Variants in DCHS2 observed in about 807,000 individuals in gnomAD.
DCHS2 encodes the protein protocadherin-23.
A neutral mutation model predicts 182.4 loss-of-function variants in DCHS2; 142 were observed. The observed-to-expected ratio is 0.78, with a 90% CI of 0.68 to 0.89. DCHS2 has a LOEUF of 0.89. DCHS2 is among the 40% of genes least tolerant of loss of function. The pLI is 0.00. For missense variants in DCHS2, 4,319 were observed against 4,198.6 expected (o/e 1.03, Z -0.79); for synonymous variants, 1,740 against 1,663.3 (o/e 1.05, Z -1.12).
At chr4:154,243,807 T>G (rs1731949845) in intron 16 of DCHS2, among the ~76,000 whole-genome samples, 1 of 152,172 alleles carries the variant, frequency 6.6e-6, no homozygotes, top group Admixed American at 6.6e-5. Flanking sequence ...CAGGAGGACC[T>G]GATAAATTAC....
intron 14 of DCHS2, among the ~76,000 whole-genome samples, chr4:154,268,780 C>CA (rs1223784521): frequency 2.6e-5 from 4 of 152,102 alleles, no homozygotes; most frequent in Non-Finnish European, 2.9e-5. Flanking sequence ...GTTATCTAAT[C>CA]AAAAAATAAA....
rs956075751 is a variant in DCHS2 at position 154,323,145 on chromosome 4, T to C, written c.4019-657A>G. The C allele has an allele frequency of 1.2e-5, 18 of 1,489,104 alleles. 1 individual carries two copies. Among genetic ancestry groups the C allele is most frequent in the South Asian group, 1.1e-4 (8 of 75,696 alleles). 92.2% of individuals were successfully genotyped at this position (1,489,104 alleles called of 1,614,324 possible). On this transcript the variant is annotated intron_variant, in intron 7 of 19. Coordinates refer to ENST00000357232, the MANE Select transcript of DCHS2 (RefSeq NM_001358235.2). ...ATCCTGACATTTTCCATGATCTAGA[T>C]TTGCTGTTGCATCTCCAACGTGTAG...
At chr4:154,351,401 T>G (rs1349943673) in intron 3 of DCHS2, among the ~76,000 whole-genome samples, 1 of 152,172 alleles carries the variant, frequency 6.6e-6, no homozygotes, top group African/African-American at 2.4e-5. Context: ...TTAATGCAAC[T>G]GCAATAAAAA....
intron 6 of DCHS2, among the ~76,000 whole-genome samples, chr4:154,329,307 G>T (rs1308691875): frequency 2.0e-5 from 3 of 152,150 alleles, no homozygotes; most frequent in Non-Finnish European, 4.4e-5. Context: ...TTGTTATAAA[G>T]CAACTGGAGG....
At chr4:154,482,437 C>T (rs1296757061) in intron 1 of DCHS2, among the ~76,000 whole-genome samples, 1 of 152,078 alleles carries the variant, frequency 6.6e-6, no homozygotes, top group Non-Finnish European at 1.5e-5. Flanking sequence ...CAAGAGATAT[C>T]AGACATTGAA....
chr4:154,461,874 A>C (rs1402238331), intron 1 of DCHS2, among the ~76,000 whole-genome samples: 1 of 152,188 alleles, frequency 6.6e-6, no homozygotes, highest in East Asian at 1.9e-4. Flanking sequence ...CATTTGCAAG[A>C]GGAAGACTTT....
At chr4:154,396,092 T>C (rs557317216) in intron 1 of DCHS2, among the ~76,000 whole-genome samples, 1 of 152,270 alleles carries the variant, frequency 6.6e-6, no homozygotes, top group South Asian at 2.1e-4. Flanking sequence ...AGCTGAGGCT[T>C]TTCTGGGATT....
chr4:154,440,704 C>A (rs970493057), intron 1 of DCHS2, among the ~76,000 whole-genome samples: 4 of 152,054 alleles, frequency 2.6e-5, no homozygotes, highest in Non-Finnish European at 4.4e-5. Flanking sequence ...AATCATAAGC[C>A]ATTGTGTTTC....
intron 1 of DCHS2, among the ~76,000 whole-genome samples, chr4:154,463,530 G>A (rs756148302): frequency 7.2e-5 from 11 of 152,156 alleles, no homozygotes; most frequent in East Asian, 1.9e-4. Flanking sequence ...ACTCTTTAAC[G>A]AAGCCTCTTT....
chr4:154,370,375 C>A (rs1561072652), intron 2 of DCHS2, among the ~76,000 whole-genome samples: 1 of 151,908 alleles, frequency 6.6e-6, no homozygotes, highest in Non-Finnish European at 1.5e-5. Context: ...AAATGGAGAC[C>A]ACTATTTTAG....
chr4:154,354,065 T>C (rs1476020068), intron 3 of DCHS2, among the ~76,000 whole-genome samples: 3 of 152,188 alleles, frequency 2.0e-5, no homozygotes, highest in Non-Finnish European at 4.4e-5. Flanking sequence ...TAGCTGGTAC[T>C]ACAGGCATGT....
At chr4:154,276,425 T>A (rs1397028935) in intron 13 of DCHS2, among the ~76,000 whole-genome samples, 3 of 152,206 alleles carry the variant, frequency 2.0e-5, no homozygotes, top group Non-Finnish European at 4.4e-5. Context: ...ATTAATGCTA[T>A]ATGACTGTAA....
chr4:154,235,776 A>T lies in DCHS2; in HGVS notation c.8876T>A (p.Ile2959Asn), dbSNP rs745966444. 1 of 1,613,786 alleles carries T rather than the reference A, an allele frequency of 6.2e-7. No individual in the cohort carries two copies. Among genetic ancestry groups the T allele is most frequent in the Non-Finnish European group, 8.5e-7 (1 of 1,179,888 alleles). Reference protein sequence around the residue: ...NKEDTLEMKIIAHSPKSDSKF... With the variant: ...NKEDTLEMKINAHSPKSDSKF... ...GGAATCTGATTTGGGACTATGAGCG[A>T]TTATTTTCATTTCCAAGGTGTCTTC... Residue 2959 changes from isoleucine to asparagine, a missense_variant, in exon 20 of 20, where the codon ATC becomes AAC. By Grantham distance (149) the Ile-to-Asn change is moderately radical. Transcript: ENST00000357232.
chr4:154,269,788 C>A (rs1733483923), intron 14 of DCHS2, 112 bp downstream of exon 14: 6 of 1,323,964 alleles, frequency 4.5e-6, no homozygotes, highest in Non-Finnish European at 6.1e-6. Flanking sequence ...AAAATTCTTT[C>A]TTGCTTACCT....
chr4:154,234,135 G>C lies in DCHS2; in HGVS notation c.*401C>G, dbSNP rs74834620. On this transcript the variant is annotated 3_prime_UTR_variant, in exon 20 of 20. Transcript: ENST00000357232. ...CTGACCTAAACTCATTCTCCATTTA[G>C]CCTTTACTAGTTTGTTTTTGATATA... 0.012 allele frequency: 1,972 copies of C among 158,982 alleles called. 49 individuals carry two copies. Among genetic ancestry groups the C allele is most frequent in the African/African-American group, 0.042 (1,769 of 41,670 alleles). 9.8% of individuals were successfully genotyped at this position (158,982 alleles called of 1,614,324 possible).
intron 13 of DCHS2, among the ~76,000 whole-genome samples, chr4:154,273,538 A>G (rs184770403): frequency 6.6e-6 from 1 of 152,262 alleles, no homozygotes; most frequent in Admixed American, 6.5e-5. Context: ...CCAAAATCTC[A>G]GAAATCACCA....
chr4:154,347,105 G>A (rs1199173631), intron 3 of DCHS2, among the ~76,000 whole-genome samples: 1 of 151,328 alleles, frequency 6.6e-6, no homozygotes, highest in Non-Finnish European at 1.5e-5. Flanking sequence ...ACAAATGAGT[G>A]ACATTTGTAA....
chr4:154,378,544 G>GGAAGGAAA (rs1731028952), intron 1 of DCHS2, among the ~76,000 whole-genome samples: 9 of 134,922 alleles, frequency 6.7e-5, no homozygotes, highest in South Asian at 4.9e-4. Flanking sequence ...AAGGAAGGAA[G>GGAAGGAAA]GAAGGAAGGA....
At chr4:154,434,895 A>G (rs553760034) in intron 1 of DCHS2, among the ~76,000 whole-genome samples, 119 of 152,326 alleles carry the variant, frequency 7.8e-4, no homozygotes, top group African/African-American at 2.8e-3. Flanking sequence ...CAAAACTACC[A>G]AAGTCATCAA....
Sources: gnomAD v4.1 joint callset for allele counts (sites outside exome capture counted in the v4.1 genomes callset) on GRCh38, gnomAD v4.1.1 for gene constraint, MANE v1.5 for transcripts, NCBI Gene and HGNC (gene_info 2026-07-23, HGNC 2026-07-21) for gene names.